PLXNB2: variants seen among roughly 807,000 people sequenced by gnomAD.
PLXNB2 encodes plexin B2.
PLXNB2 carries 85 observed loss-of-function variants against 202.6 expected under a neutral mutation model. That is an observed-to-expected ratio of 0.42 (90% CI 0.35 to 0.50). The LOEUF (loss-of-function observed/expected upper bound fraction) is 0.50, where lower values mean the gene tolerates loss of function less well. Among genes scored for constraint, PLXNB2 ranks in the 20% least tolerant of loss-of-function variants. PLXNB2 has a pLI of 0.02. For missense variants in PLXNB2, 2,063 were observed against 2,586.2 expected (o/e 0.80, Z 4.39); for synonymous variants, 1,239 against 1,137.6 (o/e 1.09, Z -1.79).
In PLXNB2 at chr22:50,275,874, G is replaced by A. The variant is rs562376418; in HGVS notation, c.5412+15C>T. On this transcript the variant is annotated intron_variant, in intron 36 of 36. Transcript: ENST00000359337. ...AGCACCCCACCTGCCCCCGCCCCCGGGGGCCTGACCCTACCTCGTCATAGT... is the reference window on the plus strand; with the variant it reads ...AGCACCCCACCTGCCCCCGCCCCCGAGGGCCTGACCCTACCTCGTCATAGT... The A allele has an allele frequency of 6.2e-7, 1 of 1,612,182 alleles. No individual in the cohort carries two copies. Among genetic ancestry groups the A allele is most frequent in the South Asian group, 1.1e-5 (1 of 91,070 alleles).
rs555066660 is a variant in PLXNB2 at position 50,281,531 on chromosome 22, G to A, written c.3523-32C>T. The A allele has an allele frequency of 1.6e-4, 264 of 1,606,782 alleles. 1 individual carries two copies. In the Admixed American group the frequency reaches 3.8e-3, roughly 23 times the overall value. ...GGGGGGCCGGGTTCAGCGCGGTCCC[G>A]TGGGGGCACCCCCCGCCAGTCCCCG... On this transcript the variant is annotated intron_variant, in intron 21 of 36. Coordinates refer to ENST00000359337, the MANE Select transcript of PLXNB2 (RefSeq NM_012401.4).
Position 50,280,607 on chromosome 22 carries a change from G to A in PLXNB2, c.4057C>T (p.Leu1353=), listed in dbSNP as rs377328622. The change falls in exon 25 of 37, where the codon CTG becomes TTG. Residue 1353 remains leucine (L), a synonymous_variant. Transcript: ENST00000359337. ...TTCCCGTGCAGCGCCACCGTCAGCA[G>A]GGACGCGAAGTAGACCTTGGCGCGG... The part of the protein sequence containing the change: ...SARAKVYFAS[L]LTVALHGKLE... 34 of 1,612,624 alleles carry A rather than the reference G, an allele frequency of 2.1e-5. No homozygotes were observed. The Admixed American group carries it at 4.2e-4, about 20-fold the overall frequency.
chr22:50,287,380 C>T lies in PLXNB2; in HGVS notation c.1609-116G>A, dbSNP rs867072247. 77 of 1,174,304 alleles carry T rather than the reference C, an allele frequency of 6.6e-5. No homozygotes were observed. The African/African-American group carries it at 7.3e-4, about 11-fold the overall frequency. 72.7% of individuals were successfully genotyped at this position (1,174,304 alleles called of 1,614,324 possible). On this transcript the variant is annotated intron_variant, in intron 7 of 36. Transcript: ENST00000359337. ...ACGTCCCAGTGGAGCCTCCAGAACC[C>T]GACTCCACGTCTTCCAATACAGGCC...
Position 50,286,286 on chromosome 22 carries a change from GT to G in PLXNB2, c.1763del (p.Asp588AlafsTer5). The G allele has an allele frequency of 6.2e-7, 1 of 1,609,954 alleles. No individual in the cohort carries two copies. Among genetic ancestry groups the G allele is most frequent in the Non-Finnish European group, 8.5e-7 (1 of 1,177,210 alleles). On this transcript the variant is annotated frameshift_variant and splice_region_variant, in exon 9 of 37. Coordinates refer to ENST00000359337, the MANE Select transcript of PLXNB2 (RefSeq NM_012401.4). LOFTEE classifies it high-confidence loss of function. ...SSIPVTPPGQ[D>X]HVAVTIQLLL... Reference sequence around the variant, plus strand: ...GGAGCTGGATGGTCACGGCCACGTGGTCTGCAGACAGCAGAGGGGGAGGTGT... The same window carrying G: ...GGAGCTGGATGGTCACGGCCACGTGGCTGCAGACAGCAGAGGGGGAGGTGT...
At chr22:50,302,517 G>A (rs1004578306) in intron 1 of PLXNB2, among the ~76,000 whole-genome samples, 3 of 152,040 alleles carry the variant, frequency 2.0e-5, no homozygotes, top group African/African-American at 7.2e-5. Flanking sequence ...TCTAGATGTG[G>A]AACTGGGGGA....
intron 1 of PLXNB2, among the ~76,000 whole-genome samples, 158 bp from the exon 2 acceptor site, chr22:50,294,936 C>G (rs2067148435): frequency 6.6e-6 from 1 of 152,354 alleles, no homozygotes; most frequent in South Asian, 2.1e-4. Context: ...GCCCCTTCCT[C>G]AGACACCTCC....
At position 50,283,666 on chromosome 22, in the gene PLXNB2, G is replaced by T; in HGVS notation, c.2506C>A (p.Gln836Lys). 1 of 1,613,152 alleles carries T rather than the reference G, an allele frequency of 6.2e-7. No homozygotes were observed. The highest frequency in any genetic ancestry group is 8.5e-7 in the Non-Finnish European group (1 of 1,179,972). ...TTCCGGCCGGCCACAGAGATCCTCT[G>T]GATGTCCCCTGCTTGGACGCCCAAA... ...SNLGVQAGDI[Q>K]RISVAGRNCS... Residue 836 changes from glutamine to lysine, a missense_variant, in exon 15 of 37, where the codon CAG (glutamine) becomes AAG (lysine). Physicochemically the swap from Gln to Lys is moderately conservative, Grantham distance 53. Transcript: ENST00000359337.
At position 50,283,897 on chromosome 22, in the gene PLXNB2, C is replaced by T. The variant is rs1204976368; in HGVS notation, c.2357G>A (p.Ser786Asn). 6.9e-6 allele frequency: 11 copies of T among 1,591,192 alleles called. No individual in the cohort carries two copies. Among genetic ancestry groups the T allele is most frequent in the Non-Finnish European group, 8.5e-6 (10 of 1,169,664 alleles). ...GCACAGGGCCTCATACACGCACCTGCTCTGGCCCCCGCACCACGCACACCT... is the reference window on the plus strand; with the variant it reads ...GCACAGGGCCTCATACACGCACCTGTTCTGGCCCCCGCACCACGCACACCT... Reference protein sequence around the residue: ...DYRCAWCGGQSRCVYEALCNT... With the variant: ...DYRCAWCGGQNRCVYEALCNT... Residue 786 changes from serine (S) to asparagine (N), a missense_variant, in exon 14 of 37, where the codon AGC (serine) becomes AAC (asparagine). Ser to Asn is a conservative substitution (Grantham distance 46, BLOSUM62 1). Coordinates refer to ENST00000359337, the MANE Select transcript of PLXNB2 (RefSeq NM_012401.4).
At chr22:50,307,451 C>T (rs2067931174) in intron 1 of PLXNB2, 102 bp downstream of exon 1, 3 of 635,126 alleles carry the variant, frequency 4.7e-6, no homozygotes, top group Non-Finnish European at 5.9e-6. Flanking sequence ...CGCAGGTCCC[C>T]GGGCCCCAGC....
intron 35 of PLXNB2, among the ~76,000 whole-genome samples, chr22:50,276,294 C>T (rs2065567449): frequency 6.8e-6 from 1 of 147,524 alleles, no homozygotes; most frequent in Admixed American, 6.7e-5. Flanking sequence ...AGGGAGGGGG[C>T]GCTGTGGACA....
chr22:50,289,572 C>T lies in PLXNB2; in HGVS notation c.1013G>A (p.Arg338His), dbSNP rs530051710. ...GTGGAAGGGCTTGTAGAAGATGTCA[C>T]GGGCCTCCCGGGTGCCTGTGTAACA... ...NACYTGTREA[R>H]DIFYKPFHGD... The change falls in exon 3 of 37, where the codon CGT (arginine) becomes CAT (histidine). Residue 338 changes from arginine (R) to histidine (H), a missense_variant. Physicochemically the swap from Arg to His is conservative, Grantham distance 29 (BLOSUM62 0). This residue lies in a region of PLXNB2 where 1,303 missense variants were observed against 1,476.8 expected (regional missense o/e 0.88). Coordinates refer to ENST00000359337, the MANE Select transcript of PLXNB2 (RefSeq NM_012401.4). This position sits in a 1 kb window ranked among gnomAD's most constrained non-coding sequence, Gnocchi z 8.0. The T allele has an allele frequency of 1.4e-5, 23 of 1,611,512 alleles. No individual in the cohort carries two copies. The South Asian group carries it at 1.6e-4, about 12-fold the overall frequency.
At position 50,291,942 on chromosome 22, in the gene PLXNB2, C is replaced by T. The variant is rs948612580; in HGVS notation, c.-13-1345G>A. 1.3e-4 allele frequency among the ~76,000 whole-genome samples: 20 copies of T among 152,236 alleles called. 1 individual carries two copies. Among genetic ancestry groups the T allele is most frequent in the Non-Finnish European group, 2.8e-4 (19 of 68,038 alleles). ...CCCACCTCCCTGTGCAGGCCCACCCCGTGCCTCCAGAGGGACTGCCACATC... is the reference window on the plus strand; with the variant it reads ...CCCACCTCCCTGTGCAGGCCCACCCTGTGCCTCCAGAGGGACTGCCACATC... On this transcript the variant is annotated intron_variant, in intron 2 of 36. Transcript: ENST00000359337. The surrounding 1 kb of genome is among the most constrained non-coding windows in gnomAD (Gnocchi z 4.3).
At chr22:50,305,172 G>A (rs569127514) in intron 1 of PLXNB2, among the ~76,000 whole-genome samples, 1 of 152,360 alleles carries the variant, frequency 6.6e-6, no homozygotes, top group South Asian at 2.1e-4. Flanking sequence ...ATCAGCTGTG[G>A]CTGGCACAGG....
chr22:50,285,212 C>G (rs1335450790), intron 11 of PLXNB2, among the ~76,000 whole-genome samples: 2 of 147,780 alleles, frequency 1.4e-5, no homozygotes, highest in African/African-American at 2.5e-5. Flanking sequence ...ACCGGCACCC[C>G]CTCCCTCCGC....
Position 50,289,687 on chromosome 22 carries a change from C to T in PLXNB2, c.898G>A (p.Asp300Asn). The change falls in exon 3 of 37, where the codon GAC (aspartate) becomes AAC (asparagine). Residue 300 changes from aspartate (D) to asparagine (N), a missense_variant. Transcript: ENST00000359337. This position sits in a 1 kb window ranked among gnomAD's most constrained non-coding sequence, Gnocchi z 8.0. Reference sequence around the variant, plus strand: ...CCGGGCCCCCCACTGCTCCGGCTGTCTCTGCTGAAGACAGCATATAGCACC... The same window carrying T: ...CCGGGCCCCCCACTGCTCCGGCTGTTTCTGCTGAAGACAGCATATAGCACC... ...GRVLYAVFSR[D>N]SRSSGGPGAG... is the part of the protein sequence containing the mutation. The T allele has an allele frequency of 6.2e-7, 1 of 1,610,752 alleles. No homozygotes were observed. The highest frequency in any genetic ancestry group is 8.5e-7 in the Non-Finnish European group (1 of 1,179,860).
chr22:50,279,430 C>A (rs892806381), intron 27 of PLXNB2, among the ~76,000 whole-genome samples, 200 bp downstream of exon 27: 5 of 152,174 alleles, frequency 3.3e-5, no homozygotes, highest in African/African-American at 1.2e-4. Context: ...ATGCGGGGCC[C>A]GCACACTTAG....
intron 27 of PLXNB2, 65 bp from the exon 28 acceptor site, chr22:50,279,076 C>T (rs2065810934): frequency 1.4e-6 from 2 of 1,468,236 alleles, no homozygotes; most frequent in African/African-American, 1.4e-5. Context: ...ATGCAGGAGC[C>T]ACTCCCTGCC....
intron 8 of PLXNB2, 137 bp from the exon 9 acceptor site, chr22:50,286,424 T>A: frequency 1.6e-6 from 1 of 629,710 alleles, no homozygotes; most frequent in Non-Finnish European, 2.8e-6. Context: ...ACGCCCCGCA[T>A]TCATGTTGGG....
At chr22:50,302,802 C>T (rs2067757620) in intron 1 of PLXNB2, among the ~76,000 whole-genome samples, 1 of 152,114 alleles carries the variant, frequency 6.6e-6, no homozygotes, top group South Asian at 2.1e-4. Flanking sequence ...AGCTTCTCCC[C>T]CTCGCTGGTG....
Sources: allele counts gnomAD v4.1 joint callset (sites outside exome capture counted in the v4.1 genomes callset), GRCh38; gene constraint gnomAD v4.1.1; regional missense constraint gnomAD v4.1.1; non-coding constraint Gnocchi (gnomAD v3.1); transcripts MANE v1.5; gene names NCBI Gene and HGNC (gene_info 2026-07-23, HGNC 2026-07-21).